The following DPP6 variants were observed in gnomAD, a reference collection of about 807,000 sequenced individuals.
The protein encoded by DPP6 is dipeptidyl peptidase like 6.
In DPP6, 69 loss-of-function variants were observed where a neutral mutation model predicts 122.6. The observed-to-expected ratio is 0.56, with a 90% confidence interval of 0.46 to 0.69. DPP6 has a LOEUF of 0.69. Among genes scored for constraint, DPP6 ranks in the 30% least tolerant of loss-of-function variants. DPP6 has a pLI of 0.00. For missense variants in DPP6, 928 were observed against 1,116.9 expected (o/e 0.83, Z 2.41); for synonymous variants, 418 against 433.1 (o/e 0.97, Z 0.43).
At chr7:154,421,646 T>C (rs1817481845) in intron 1 of DPP6, among the ~76,000 whole-genome samples, 1 of 56,428 alleles carries the variant, frequency 1.8e-5, no homozygotes, top group African/African-American at 5.3e-5. Context: ...TTTCTATGCC[T>C]TAGAAAGAGG....
At chr7:154,842,235 C>T (rs947563231) in intron 16 of DPP6, among the ~76,000 whole-genome samples, 1 of 152,212 alleles carries the variant, frequency 6.6e-6, no homozygotes, top group African/African-American at 2.4e-5. Context: ...TCAGTGGTGC[C>T]AGCCAGGCTG....
intron 9 of DPP6, among the ~76,000 whole-genome samples, chr7:154,770,257 C>A (rs192166274): frequency 6.6e-6 from 1 of 152,156 alleles, no homozygotes; most frequent in Non-Finnish European, 1.5e-5. Flanking sequence ...GTGAAAGGCA[C>A]GTCTTACATG....
chr7:154,702,216 A>T (rs1400766328), intron 7 of DPP6, among the ~76,000 whole-genome samples: 1 of 152,114 alleles, frequency 6.6e-6, no homozygotes, highest in Non-Finnish European at 1.5e-5. Context: ...CATTTCCCTC[A>T]CCTCCTCTTG....
At chr7:154,667,720 T>C (rs1447292636) in intron 6 of DPP6, among the ~76,000 whole-genome samples, 1 of 152,114 alleles carries the variant, frequency 6.6e-6, no homozygotes, top group Non-Finnish European at 1.5e-5. Flanking sequence ...AGACTCCTTC[T>C]CAAAACAAAA....
chr7:154,619,051 G>A (rs534598749), intron 5 of DPP6, among the ~76,000 whole-genome samples: 18 of 152,254 alleles, frequency 1.2e-4, no homozygotes, highest in African/African-American at 3.8e-4. Flanking sequence ...ACATTCTCCT[G>A]CCTGCTGCCA....
In DPP6 at chr7:154,210,146, C is replaced by A. The variant is rs75076310; in HGVS notation, c.243+157083C>A. 3.3e-4 allele frequency among the ~76,000 whole-genome samples: 50 copies of A among 152,296 alleles called. 1 individual carries two copies. Among genetic ancestry groups the A allele is most frequent in the South Asian group, 4.2e-4 (2 of 4,818 alleles). On this transcript the variant is annotated intron_variant, in intron 1 of 25. Transcript: ENST00000377770. ...CAGGGAAACAGGTCTTGAAAAGGAT[C>A]AATACCATGGCTGCCTCCTTGTCCA...
In DPP6 at chr7:154,505,026, T is replaced by G. The variant is rs372647435; in HGVS notation, c.457+29989T>G. Among the ~76,000 whole-genome samples the G allele has an allele frequency of 2.0e-5, 3 of 152,300 alleles. No homozygotes were observed. In the South Asian group the frequency reaches 6.2e-4, roughly 32 times the overall value. ...CATTTTGTAATTGCAGAATCAGAACTAGGAGACTGTCTCTTGACTACCTGG... is the reference window on the plus strand; with the variant it reads ...CATTTTGTAATTGCAGAATCAGAACGAGGAGACTGTCTCTTGACTACCTGG... On this transcript the variant is annotated intron_variant, in intron 3 of 25. Coordinates refer to ENST00000377770, the MANE Select transcript of DPP6 (RefSeq NM_130797.4).
rs10272717 is a variant in DPP6 at position 154,495,530 on chromosome 7, C to T, written c.457+20493C>T. On this transcript the variant is annotated intron_variant, in intron 3 of 25. Transcript: ENST00000377770. Reference sequence around the variant, plus strand: ...TCAGCCTCCTGAGTAGCTGGGACTACAGGCATGCGCCACCATGCCCGGCTA... The same window carrying T: ...TCAGCCTCCTGAGTAGCTGGGACTATAGGCATGCGCCACCATGCCCGGCTA... Among the ~76,000 whole-genome samples the T allele has an allele frequency of 7.2e-3, 1,098 of 152,142 alleles. 13 individuals are homozygous for T. Among genetic ancestry groups the T allele is most frequent in the African/African-American group, 0.025 (1,031 of 41,506 alleles).
chr7:154,148,204 G>C (rs941166976), intron 1 of DPP6, among the ~76,000 whole-genome samples: 1 of 125,104 alleles, frequency 8.0e-6, no homozygotes, highest in Non-Finnish European at 1.8e-5. Flanking sequence ...GGAGTAATGG[G>C]AGGTCCCCCG....
At chr7:154,662,962 C>T (rs1237084960) in intron 6 of DPP6, among the ~76,000 whole-genome samples, 2 of 69,062 alleles carry the variant, frequency 2.9e-5, no homozygotes, top group African/African-American at 7.8e-5. Flanking sequence ...CCGTAGTGTT[C>T]ATATAGTCAT....
At chr7:153,762,735 G>A in the DPP6 span, among the ~76,000 whole-genome samples, 233 of 152,142 alleles carry the variant, frequency 1.5e-3, no homozygotes, top group Non-Finnish European at 2.5e-3. Flanking sequence ...AGCCAAAATC[G>A]TGCCATTTCA....
At chr7:154,828,990 T>C (rs1405547441) in intron 16 of DPP6, among the ~76,000 whole-genome samples, 1 of 152,224 alleles carries the variant, frequency 6.6e-6, no homozygotes, top group Non-Finnish European at 1.5e-5. Flanking sequence ...TCATCAATAA[T>C]GCAGATAATT....
intron 1 of DPP6, among the ~76,000 whole-genome samples, chr7:154,382,915 TG>T (rs1323960370): frequency 1.3e-5 from 2 of 152,120 alleles, no homozygotes; most frequent in African/African-American, 4.8e-5. Flanking sequence ...TTAGTAGAAA[TG>T]GGGTTTCACC....
At chr7:153,824,889 A>G in the DPP6 span, among the ~76,000 whole-genome samples, 25 of 152,134 alleles carry the variant, frequency 1.6e-4, no homozygotes, top group African/African-American at 6.0e-4. Context: ...ACTAGTATCT[A>G]CACCCAAAGT....
intron 1 of DPP6, among the ~76,000 whole-genome samples, chr7:153,946,266 G>C (rs1191888135): frequency 2.0e-5 from 3 of 152,216 alleles, no homozygotes; most frequent in Non-Finnish European, 4.4e-5. Context: ...CTGCTCAATT[G>C]AGTTAGTTAT....
At chr7:154,770,560 G>T (rs576025264) in intron 9 of DPP6, among the ~76,000 whole-genome samples, 1 of 152,282 alleles carries the variant, frequency 6.6e-6, no homozygotes, top group South Asian at 2.1e-4. Context: ...TTGGGCCCTC[G>T]CCAGATACTG....
At chr7:154,464,155 C>T (rs770652683) in intron 2 of DPP6, among the ~76,000 whole-genome samples, 2 of 152,200 alleles carry the variant, frequency 1.3e-5, no homozygotes, top group African/African-American at 2.4e-5. Context: ...ATGCAGTTCC[C>T]GAATGGCTAG....
chr7:154,635,626 C>T (rs1407296742), intron 5 of DPP6, among the ~76,000 whole-genome samples: 1 of 152,210 alleles, frequency 6.6e-6, no homozygotes, highest in Non-Finnish European at 1.5e-5. Flanking sequence ...CTTGCAGTCA[C>T]TGTGGGTCAG....
intron 1 of DPP6, among the ~76,000 whole-genome samples, chr7:154,160,184 A>G (rs3901308): frequency 0.61 from 92,177 of 151,326 alleles, 31,221 homozygotes; most frequent in East Asian, 0.92. Flanking sequence ...CAGAACACCA[A>G]GTAGCAAAGA....
Sources: allele counts gnomAD v4.1 joint callset (sites outside exome capture counted in the v4.1 genomes callset), GRCh38; gene constraint gnomAD v4.1.1; transcripts MANE v1.5; gene names NCBI Gene and HGNC (gene_info 2026-07-23, HGNC 2026-07-21).